The following SNX6 variants were observed in gnomAD, a reference collection of about 807,000 sequenced individuals.
SNX6 encodes the protein sorting nexin 6, also known as sorting nexin-6.
In SNX6, 34 loss-of-function variants were observed where a neutral mutation model predicts 63.0. That is an observed-to-expected ratio of 0.54 (90% CI 0.41 to 0.72). The LOEUF (loss-of-function observed/expected upper bound fraction) is 0.72. SNX6 is among the 30% of genes least tolerant of loss of function. The pLI is 0.00. For synonymous variants in SNX6, 170 were observed against 164.2 expected, an observed-to-expected ratio of 1.04 and a Z score of -0.27; for missense variants, 398 against 471.4, an observed-to-expected ratio of 0.84 and a Z score of 1.44.
intron 2 of SNX6, among the ~76,000 whole-genome samples, chr14:34,627,377 G>A (rs962578035): frequency 7.9e-5 from 12 of 152,188 alleles, no homozygotes; most frequent in African/African-American, 2.7e-4. Context: ...AATCCGGGAG[G>A]CGGAGCTTGC....
chr14:34,578,634 G>GAAAAAAAAAAA (rs1214360269), intron 10 of SNX6, among the ~76,000 whole-genome samples: 3 of 97,022 alleles, frequency 3.1e-5, no homozygotes, highest in Admixed American at 1.3e-4. Flanking sequence ...GTCTCAAAAA[G>GAAAAAAAAAAA]AAAAAAAAAA....
intron 2 of SNX6, among the ~76,000 whole-genome samples, chr14:34,613,706 T>C (rs1383710203): frequency 2.0e-5 from 3 of 151,672 alleles, no homozygotes; most frequent in South Asian, 2.1e-4. Context: ...GGCAGGAGAA[T>C]GGCGTGAACC....
At chr14:34,566,333 C>T (rs1200866040) in intron 13 of SNX6, among the ~76,000 whole-genome samples, 1 of 152,190 alleles carries the variant, frequency 6.6e-6, no homozygotes, top group Non-Finnish European at 1.5e-5. Flanking sequence ...CTGCCTCAGC[C>T]TCCCAAGTAG....
chr14:34,587,404 G>A (rs893761493), intron 8 of SNX6, among the ~76,000 whole-genome samples: 3 of 151,542 alleles, frequency 2.0e-5, no homozygotes, highest in Non-Finnish European at 2.9e-5. Context: ...GTGGTGGCAG[G>A]CACCTGTAGT....
intron 13 of SNX6, among the ~76,000 whole-genome samples, chr14:34,566,707 TA>T (rs1270175744): frequency 6.6e-6 from 1 of 152,190 alleles, no homozygotes; most frequent in Admixed American, 6.6e-5. Flanking sequence ...AAAATTACTA[TA>T]AGGTTTAGGC....
chr14:34,615,308 T>C (rs1883377153), intron 2 of SNX6, among the ~76,000 whole-genome samples: 1 of 152,174 alleles, frequency 6.6e-6, no homozygotes, highest in Admixed American at 6.6e-5. Flanking sequence ...CCACCTACCA[T>C]ACTCACAGGC....
chr14:34,564,177 G>A (rs1379329059), intron 13 of SNX6, among the ~76,000 whole-genome samples: 2 of 151,998 alleles, frequency 1.3e-5, no homozygotes, highest in Non-Finnish European at 2.9e-5. Context: ...ACAGGCGCGT[G>A]CCACCACGCT....
intron 2 of SNX6, among the ~76,000 whole-genome samples, chr14:34,628,186 G>A (rs531762283): frequency 1.7e-3 from 254 of 152,072 alleles, no homozygotes; most frequent in Non-Finnish European, 2.9e-3. Flanking sequence ...CAGGCCGGGC[G>A]TGGTGGCTCA....
At chr14:34,627,872 C>T (rs1883889900) in intron 2 of SNX6, among the ~76,000 whole-genome samples, 3 of 152,110 alleles carry the variant, frequency 2.0e-5, no homozygotes, top group Non-Finnish European at 1.5e-5. Context: ...CCTCTTGCCT[C>T]GGCCTCCCAA....
chr14:34,574,950 G>A (rs1260862127), intron 11 of SNX6, among the ~76,000 whole-genome samples: 1 of 151,670 alleles, frequency 6.6e-6, no homozygotes, highest in East Asian at 1.9e-4. Flanking sequence ...GCAGTGCAAT[G>A]GCGTGATATC....
intron 6 of SNX6, among the ~76,000 whole-genome samples, chr14:34,601,115 T>A (rs1449975869): frequency 6.6e-6 from 1 of 151,978 alleles, no homozygotes; most frequent in Non-Finnish European, 1.5e-5. Flanking sequence ...TTTACCCGAA[T>A]CTGGAATTCT....
intron 2 of SNX6, among the ~76,000 whole-genome samples, chr14:34,610,352 C>CAA (rs35289170): frequency 2.2e-4 from 17 of 77,630 alleles, no homozygotes; most frequent in African/African-American, 2.5e-4. Flanking sequence ...AAAACCGTCT[C>CAA]AAAAAAAAAA....
chr14:34,601,061 G>A (rs1307539149), intron 6 of SNX6, among the ~76,000 whole-genome samples: 1 of 151,836 alleles, frequency 6.6e-6, no homozygotes, highest in East Asian at 1.9e-4. Context: ...AAAATAAGGA[G>A]TGATCAGCAC....
At chr14:34,592,476 C>T (rs928286718) in intron 8 of SNX6, among the ~76,000 whole-genome samples, 2 of 152,130 alleles carry the variant, frequency 1.3e-5, no homozygotes, top group Non-Finnish European at 2.9e-5. Context: ...TATGTAATTA[C>T]GCAGCAGCAA....
intron 2 of SNX6, among the ~76,000 whole-genome samples, chr14:34,612,589 A>T (rs955840524): frequency 2.0e-5 from 3 of 151,996 alleles, no homozygotes; most frequent in Non-Finnish European, 2.9e-5. Flanking sequence ...ATGCACAACC[A>T]GGCCCAGCTA....
intron 2 of SNX6, among the ~76,000 whole-genome samples, chr14:34,617,427 GTCAGGAGT>G (rs1377036288): frequency 1.3e-5 from 2 of 151,956 alleles, no homozygotes; most frequent in East Asian, 3.9e-4. Context: ...ATCACTTGTG[GTCAGGAGT>G]TCGAGACCAG....
chr14:34,566,693 T>G (rs554779765), intron 13 of SNX6, among the ~76,000 whole-genome samples: 2 of 152,200 alleles, frequency 1.3e-5, no homozygotes, highest in South Asian at 4.1e-4. Context: ...GATTCTCTAT[T>G]CTTAAAATTA....
intron 8 of SNX6, among the ~76,000 whole-genome samples, chr14:34,587,815 T>C (rs1490566353): frequency 6.8e-6 from 1 of 147,736 alleles, no homozygotes; most frequent in African/African-American, 2.5e-5. Flanking sequence ...TTTTTTTTTT[T>C]TTTTGGCGGG....
chr14:34,612,138 G>A (rs983399672), intron 2 of SNX6, among the ~76,000 whole-genome samples: 3 of 151,634 alleles, frequency 2.0e-5, no homozygotes, highest in African/African-American at 7.3e-5. Flanking sequence ...ACAGGGTCTC[G>A]CTATGTCACC....
Sources: gnomAD v4.1 joint callset for allele counts (sites outside exome capture counted in the v4.1 genomes callset) on GRCh38, gnomAD v4.1.1 for gene constraint, MANE v1.5 for transcripts, NCBI Gene and HGNC (gene_info 2026-07-23, HGNC 2026-07-21) for gene names.